Variants in VIPR2 observed in about 807,000 individuals in gnomAD.
VIPR2 encodes vasoactive intestinal polypeptide receptor 2.
Under a neutral mutation model 58.0 loss-of-function variants are expected in VIPR2, and 48 were observed. That is an observed-to-expected ratio of 0.83 (90% confidence interval 0.66 to 1.05). The LOEUF (loss-of-function observed/expected upper bound fraction) is 1.05, where lower values mean the gene tolerates loss of function less well. Ranked by LOEUF, VIPR2 falls within the 50% of genes least tolerant of loss-of-function variation. The pLI, the probability that VIPR2 is intolerant of heterozygous loss-of-function variation, is 0.00. For synonymous variants in VIPR2, 243 were observed against 235.2 expected, an observed-to-expected ratio of 1.03 and a Z score of -0.30; for missense variants, 534 against 558.0, an observed-to-expected ratio of 0.96 and a Z score of 0.43.
At chr7:159,118,804 G>A (rs978737638) in intron 2 of VIPR2, among the ~76,000 whole-genome samples, 2 of 152,242 alleles carry the variant, frequency 1.3e-5, no homozygotes, top group African/African-American at 4.8e-5. Flanking sequence ...GTCACTTGGC[G>A]CGGGTGCACA....
chr7:159,050,257 A>G (rs1854907849), intron 5 of VIPR2, among the ~76,000 whole-genome samples: 1 of 151,866 alleles, frequency 6.6e-6, no homozygotes, highest in African/African-American at 2.4e-5. Flanking sequence ...GGATCGCTTG[A>G]ACCCGGGAGG....
intron 4 of VIPR2, among the ~76,000 whole-genome samples, chr7:159,066,880 G>A (rs1390990297): frequency 6.6e-6 from 1 of 152,176 alleles, no homozygotes; most frequent in Non-Finnish European, 1.5e-5. Flanking sequence ...GGAAACTAAT[G>A]TATTAATACA....
chr7:159,111,329 G>A (rs890067944), intron 2 of VIPR2, among the ~76,000 whole-genome samples: 27 of 152,170 alleles, frequency 1.8e-4, no homozygotes, highest in African/African-American at 5.8e-4. Flanking sequence ...TGGCAGTTTC[G>A]TGTCTGGTTA....
chr7:159,125,113 G>A (rs1460002946), intron 2 of VIPR2, among the ~76,000 whole-genome samples: 1 of 152,140 alleles, frequency 6.6e-6, no homozygotes, highest in Non-Finnish European at 1.5e-5. Context: ...CTTCCTATTT[G>A]GATGCGCTTT....
intron 6 of VIPR2, among the ~76,000 whole-genome samples, chr7:159,038,242 C>G (rs567674150): frequency 2.5e-4 from 38 of 152,308 alleles, no homozygotes; most frequent in African/African-American, 8.9e-4. Flanking sequence ...CGGCCCCGAC[C>G]TCCCCAGTGC....
intron 10 of VIPR2, 37 bp downstream of exon 10, chr7:159,034,175 TC>T (rs1160904583): frequency 6.2e-7 from 1 of 1,601,536 alleles, no homozygotes; most frequent in African/African-American, 1.3e-5. Flanking sequence ...CCACACGGCA[TC>T]CCCATCAGGG....
chr7:159,032,201 G>A (rs1397427716), intron 10 of VIPR2, 134 bp from the exon 11 acceptor site: 12 of 1,275,660 alleles, frequency 9.4e-6, no homozygotes, highest in South Asian at 6.0e-5. Flanking sequence ...TGGAGTCCCC[G>A]CCCAACAAGA....
At chr7:159,058,939 G>A (rs1270410861) in intron 4 of VIPR2, among the ~76,000 whole-genome samples, 1 of 152,232 alleles carries the variant, frequency 6.6e-6, no homozygotes, top group East Asian at 1.9e-4. Context: ...CCAGCTTTCT[G>A]ACACTCCTGG....
intron 6 of VIPR2, among the ~76,000 whole-genome samples, chr7:159,039,921 G>A (rs1047515977): frequency 4.6e-5 from 7 of 152,202 alleles, no homozygotes; most frequent in African/African-American, 1.2e-4. Context: ...GATGGGCTAC[G>A]CGGAGAACAC....
At chr7:159,034,455 CT>C in intron 9 of VIPR2, 125 bp downstream of exon 9, 2 of 1,298,782 alleles carry the variant, frequency 1.5e-6, no homozygotes, top group Non-Finnish European at 2.2e-6. Context: ...TGAAGAGGTC[CT>C]TTTCCGGGAA....
chr7:159,110,053 C>G, intron 2 of VIPR2, 134 bp from the exon 3 acceptor site: 2 of 759,178 alleles, frequency 2.6e-6, no homozygotes, highest in Admixed American at 2.4e-5. Context: ...ATTATTGAGA[C>G]TATAGTTAGC....
intron 4 of VIPR2, among the ~76,000 whole-genome samples, chr7:159,058,952 G>A (rs1365488551): frequency 1.3e-5 from 2 of 152,242 alleles, no homozygotes; most frequent in Non-Finnish European, 2.9e-5. Flanking sequence ...ACTCCTGGAT[G>A]AGCTCAGGTG....
chr7:159,037,166 G>A (rs999743021), intron 6 of VIPR2, among the ~76,000 whole-genome samples: 6 of 152,188 alleles, frequency 3.9e-5, no homozygotes, highest in African/African-American at 1.4e-4. Context: ...TGAGGTGAGC[G>A]CACTCACTGC....
At chr7:159,086,879 G>A (rs1440426503) in intron 4 of VIPR2, among the ~76,000 whole-genome samples, 2 of 152,236 alleles carry the variant, frequency 1.3e-5, no homozygotes, top group African/African-American at 4.8e-5. Flanking sequence ...CTTGGAGGCT[G>A]GTTGTGACAC....
At chr7:159,070,046 C>T (rs190259721) in intron 4 of VIPR2, among the ~76,000 whole-genome samples, 70 of 152,252 alleles carry the variant, frequency 4.6e-4, no homozygotes, top group African/African-American at 9.1e-4. Context: ...TTGCTTTGTC[C>T]GGTACCTCCA....
chr7:159,096,907 C>G lies in VIPR2; in HGVS notation c.357+6850G>C. ...CTGTGGCCGCCTTGCTGTCCCCGTT[C>G]CCATCACTCGATGAGCCAATGCCCT... On this transcript the variant is annotated intron_variant, in intron 4 of 12. Transcript: ENST00000262178. This position sits in a 1 kb window ranked among gnomAD's most constrained non-coding sequence, Gnocchi z 5.5. 3.2e-6 allele frequency: 5 copies of G among 1,550,782 alleles called. No homozygotes were observed. Among genetic ancestry groups the G allele is most frequent in the Non-Finnish European group, 3.5e-6 (4 of 1,147,098 alleles).
chr7:159,129,741 C>T (rs111528744), intron 2 of VIPR2, among the ~76,000 whole-genome samples: 1,572 of 105,424 alleles, frequency 0.015, no homozygotes, highest in African/African-American at 0.051. Context: ...GGGGACAGGG[C>T]CAGGTGACCA....
chr7:159,116,803 C>T (rs114043183), intron 2 of VIPR2: 2,609 of 153,894 alleles, frequency 0.017, 62 homozygotes, highest in African/African-American at 0.057. Flanking sequence ...AAGGGGAGTG[C>T]GCACAGAGTG....
chr7:159,042,012 C>T (rs1854380063), intron 6 of VIPR2, among the ~76,000 whole-genome samples: 1 of 152,166 alleles, frequency 6.6e-6, no homozygotes, highest in African/African-American at 2.4e-5. Context: ...ATTTTGTTAT[C>T]ACAGCAAATC....
Sources: allele counts gnomAD v4.1 joint callset (sites outside exome capture counted in the v4.1 genomes callset), GRCh38; gene constraint gnomAD v4.1.1; non-coding constraint Gnocchi (gnomAD v3.1); transcripts MANE v1.5; gene names NCBI Gene and HGNC (gene_info 2026-07-23, HGNC 2026-07-21).